COL12A1: variants seen among roughly 807,000 people sequenced by gnomAD.
COL12A1 encodes the protein collagen type XII alpha 1 chain.
A neutral mutation model predicts 349.7 loss-of-function variants in COL12A1; 114 were observed. That is an observed-to-expected ratio of 0.33 (90% CI 0.28 to 0.38). The LOEUF (loss-of-function observed/expected upper bound fraction) is 0.38. COL12A1 is among the 10% of genes least tolerant of loss of function. The pLI is 1.00. For missense variants in COL12A1, 3,284 were observed against 3,756.9 expected (o/e 0.87, Z 3.29); for synonymous variants, 1,369 against 1,329.0 (o/e 1.03, Z -0.66).
intron 22 of COL12A1, 130 bp downstream of exon 22, chr6:75,148,228 A>T: frequency 1.4e-5 from 11 of 791,268 alleles, no homozygotes; most frequent in South Asian, 2.7e-5. Context: ...AATAGAAAGC[A>T]CTATTCTTGA....
intron 4 of COL12A1, 135 bp from the exon 5 acceptor site, chr6:75,191,895 C>A (rs559853088): frequency 1.2e-5 from 6 of 506,224 alleles, no homozygotes; most frequent in Non-Finnish European, 2.0e-5. Context: ...TCATAGAATA[C>A]TGCCAAATAA....
chr6:75,143,641 C>T (rs951015355), intron 25 of COL12A1, among the ~76,000 whole-genome samples: 2 of 152,152 alleles, frequency 1.3e-5, no homozygotes, highest in Non-Finnish European at 2.9e-5. Flanking sequence ...TTATATATTA[C>T]TCTTCTTCCA....
intron 52 of COL12A1, among the ~76,000 whole-genome samples, chr6:75,108,222 G>A (rs1242364413): frequency 1.3e-5 from 2 of 151,774 alleles, no homozygotes; most frequent in Non-Finnish European, 2.9e-5. Flanking sequence ...TAGGAATACA[G>A]GCACATGCCA....
chr6:75,115,370 G>A (rs1582072405), intron 49 of COL12A1, among the ~76,000 whole-genome samples: 1 of 152,050 alleles, frequency 6.6e-6, no homozygotes, highest in East Asian at 1.9e-4. Context: ...TCTGATCATG[G>A]ACAAGAAACA....
At chr6:75,119,244 C>A in intron 45 of COL12A1, 58 bp from the exon 46 acceptor site, 1 of 1,612,390 alleles carries the variant, frequency 6.2e-7, no homozygotes, top group South Asian at 1.1e-5. Context: ...ACCCAAATGC[C>A]ATTAGTCACA....
chr6:75,133,449 AT>A, intron 33 of COL12A1, 27 bp from the exon 34 acceptor site: 1 of 1,589,012 alleles, frequency 6.3e-7, no homozygotes, highest in Non-Finnish European at 8.5e-7. Context: ...AACAAAAAGC[AT>A]TGACTTGAAA....
intron 2 of COL12A1, among the ~76,000 whole-genome samples, chr6:75,200,371 G>A (rs981002980): frequency 2.6e-5 from 4 of 152,114 alleles, no homozygotes; most frequent in South Asian, 2.1e-4. Flanking sequence ...CCAGGGGTTC[G>A]AGACCAGCCT....
chr6:75,086,649 TATA>T, intron 65 of COL12A1, 92 bp from the exon 66 acceptor site: 1 of 10,346 alleles, frequency 9.7e-5, no homozygotes, highest in Non-Finnish European at 2.6e-4. Context: ...ATGGTTAAAG[TATA>T]TATATATATA....
At chr6:75,177,509 A>C in intron 12 of COL12A1, 154 bp downstream of exon 12, 1 of 789,308 alleles carries the variant, frequency 1.3e-6, no homozygotes, top group South Asian at 2.2e-5. Flanking sequence ...AGTAAAAAAA[A>C]AATTTTAACT....
In COL12A1 at chr6:75,143,392, G is replaced by A. The variant is rs767600768; in HGVS notation, c.4691-4C>T. The A allele has an allele frequency of 6.2e-7, 1 of 1,612,008 alleles. No individual in the cohort carries two copies. On this transcript the variant is annotated splice_polypyrimidine_tract_variant and splice_region_variant and intron_variant, in intron 25 of 65. Transcript: ENST00000322507. The stretch of plus-strand genomic sequence containing the variant: ...TCCTGAGGTCTGGGTAAAGGCACTA[G>A]AGAAGCACGAGATATTAAATCCAGA...
intron 13 of COL12A1, among the ~76,000 whole-genome samples, chr6:75,174,558 A>AC (rs994013454): frequency 2.7e-5 from 4 of 148,046 alleles, no homozygotes; most frequent in African/African-American, 1.1e-4. Context: ...TCTGTCTCAC[A>AC]AAAAAAAAGA....
intron 21 of COL12A1, among the ~76,000 whole-genome samples, 181 bp downstream of exon 21, chr6:75,150,960 G>A (rs995049318): frequency 3.3e-5 from 5 of 152,092 alleles, no homozygotes; most frequent in African/African-American, 9.7e-5. Flanking sequence ...GGCAACAACC[G>A]AAGATCTTTT....
At chr6:75,104,573 T>C (rs914499457) in intron 54 of COL12A1, among the ~76,000 whole-genome samples, 1 of 152,212 alleles carries the variant, frequency 6.6e-6, no homozygotes, top group Non-Finnish European at 1.5e-5. Context: ...CTGGCCCAGA[T>C]CAGATACTGG....
chr6:75,101,428 C>A (rs373244862), intron 58 of COL12A1, among the ~76,000 whole-genome samples, 172 bp downstream of exon 58: 2 of 152,182 alleles, frequency 1.3e-5, no homozygotes, highest in Admixed American at 1.3e-4. Flanking sequence ...ATTTCAAAGA[C>A]CTTGAGATTG....
intron 17 of COL12A1, among the ~76,000 whole-genome samples, chr6:75,153,305 T>A (rs1439410327): frequency 6.6e-6 from 1 of 152,080 alleles, no homozygotes; most frequent in African/African-American, 2.4e-5. Context: ...TAGGAAAAGC[T>A]TTGGAAAGAG....
Position 75,137,476 on chromosome 6 carries a change from G to A in COL12A1, c.5355C>T (p.Ile1785=), listed in dbSNP as rs748327713. The stretch of plus-strand genomic sequence containing the variant: ...CTTCCCCTGTGGAAGGCTGATAAGT[G>A]ATCCTATATTTCTGCACACGACCAC... The part of the protein sequence containing the change: ...PASGRVQKYR[I]TYQPSTGEGN... The change falls in exon 31 of 66, where the codon ATC becomes ATT. Residue 1785 remains isoleucine, a synonymous_variant. Transcript: ENST00000322507. The A allele has an allele frequency of 6.2e-7, 1 of 1,613,352 alleles. No homozygotes were observed. The highest frequency in any genetic ancestry group is 8.5e-7 in the Non-Finnish European group (1 of 1,179,676).
intron 4 of COL12A1, 71 bp downstream of exon 4, chr6:75,192,141 A>T: frequency 8.2e-7 from 1 of 1,221,078 alleles, no homozygotes; most frequent in Non-Finnish European, 1.1e-6. Flanking sequence ...ATAAAAGATT[A>T]AATCTGAAGT....
At chr6:75,143,041 T>A (rs1041569498) in intron 26 of COL12A1, among the ~76,000 whole-genome samples, 1 of 152,228 alleles carries the variant, frequency 6.6e-6, no homozygotes, top group South Asian at 2.1e-4. Flanking sequence ...TTGAGATTAA[T>A]ATCACACAGC....
intron 8 of COL12A1, among the ~76,000 whole-genome samples, chr6:75,185,542 C>T (rs536407873): frequency 2.0e-5 from 3 of 152,250 alleles, no homozygotes; most frequent in African/African-American, 4.8e-5. Context: ...GGCCATACTG[C>T]CAAAAGCAAT....
Sources: gnomAD v4.1 joint callset for allele counts (sites outside exome capture counted in the v4.1 genomes callset) on GRCh38, gnomAD v4.1.1 for gene constraint, MANE v1.5 for transcripts, NCBI Gene and HGNC (gene_info 2026-07-23, HGNC 2026-07-21) for gene names.